Variants in INPP4B observed in about 807,000 individuals in gnomAD.
The protein encoded by INPP4B is inositol polyphosphate-4-phosphatase type II B.
In INPP4B, 55 loss-of-function variants were observed where a neutral mutation model predicts 122.5. The ratio of observed to expected loss-of-function variants is 0.45; its 90% CI spans 0.36 to 0.56. The LOEUF (loss-of-function observed/expected upper bound fraction) is 0.56, where lower values mean the gene tolerates loss of function less well. INPP4B is among the 20% of genes least tolerant of loss of function. The pLI is 0.00. For missense variants in INPP4B, 1,000 were observed against 1,097.7 expected, an observed-to-expected ratio of 0.91 and a Z score of 1.26; for synonymous variants, 403 against 388.7, an observed-to-expected ratio of 1.04 and a Z score of -0.43.
intron 25 of INPP4B, among the ~76,000 whole-genome samples, chr4:142,078,430 C>T (rs931457146): frequency 6.6e-6 from 1 of 151,830 alleles, no homozygotes; most frequent in Non-Finnish European, 1.5e-5. Context: ...ACATAGGACC[C>T]GAAAGTTTTA....
intron 10 of INPP4B, among the ~76,000 whole-genome samples, chr4:142,269,560 G>C (rs1036499116): frequency 6.6e-6 from 1 of 152,154 alleles, no homozygotes; most frequent in Non-Finnish European, 1.5e-5. Context: ...CAGAGGCTGG[G>C]GGAGGGAAAG....
At chr4:142,313,024 T>C (rs1766131953) in intron 8 of INPP4B, among the ~76,000 whole-genome samples, 1 of 152,156 alleles carries the variant, frequency 6.6e-6, no homozygotes, top group Non-Finnish European at 1.5e-5. Flanking sequence ...GCAGGACATG[T>C]GTGGGACTCA....
intron 9 of INPP4B, among the ~76,000 whole-genome samples, chr4:142,297,982 T>C: frequency 6.6e-6 from 1 of 152,144 alleles, no homozygotes; most frequent in East Asian, 1.9e-4. Context: ...ACTACTTCCA[T>C]TAATAGATGT....
chr4:142,164,547 T>C (rs924626925), intron 16 of INPP4B, among the ~76,000 whole-genome samples: 2 of 151,766 alleles, frequency 1.3e-5, no homozygotes, highest in Non-Finnish European at 2.9e-5. Context: ...GGAAAGCATG[T>C]TAGACTAACA....
chr4:142,177,538 T>C (rs1405722414), intron 15 of INPP4B, among the ~76,000 whole-genome samples: 5 of 152,162 alleles, frequency 3.3e-5, no homozygotes, highest in Non-Finnish European at 5.9e-5. Context: ...AAATATTTTA[T>C]AGAATATAAA....
At chr4:142,494,992 C>T (rs1405705729) in intron 2 of INPP4B, among the ~76,000 whole-genome samples, 1 of 152,060 alleles carries the variant, frequency 6.6e-6, no homozygotes, top group Non-Finnish European at 1.5e-5. Flanking sequence ...ATATTTTGTC[C>T]AGTTTTGTAG....
intron 1 of INPP4B, among the ~76,000 whole-genome samples, chr4:142,735,044 T>C (rs1766657742): frequency 1.3e-5 from 2 of 152,210 alleles, no homozygotes; most frequent in Non-Finnish European, 2.9e-5. Context: ...GGTGTGATCA[T>C]TGGAGAACCG....
intron 2 of INPP4B, among the ~76,000 whole-genome samples, chr4:142,649,011 C>G (rs997863122): frequency 6.6e-6 from 1 of 152,182 alleles, no homozygotes; most frequent in African/African-American, 2.4e-5. Flanking sequence ...GAGGATCAGG[C>G]AGCAATTTTT....
chr4:142,246,755 G>A (rs960597224), intron 11 of INPP4B, among the ~76,000 whole-genome samples: 5 of 152,202 alleles, frequency 3.3e-5, no homozygotes, highest in African/African-American at 9.6e-5. Flanking sequence ...GAGACAATTC[G>A]ACTTCCTCTC....
At chr4:142,710,619 C>T (rs979085183) in intron 2 of INPP4B, among the ~76,000 whole-genome samples, 1 of 152,072 alleles carries the variant, frequency 6.6e-6, no homozygotes, top group Non-Finnish European at 1.5e-5. Flanking sequence ...TATTGAAAGC[C>T]ACTTATTTGT....
chr4:142,185,660 AC>A (rs1319081249), intron 15 of INPP4B, among the ~76,000 whole-genome samples: 1 of 151,802 alleles, frequency 6.6e-6, no homozygotes, highest in Non-Finnish European at 1.5e-5. Context: ...CGGGTGGATC[AC>A]GAGGTCAGGA....
intron 25 of INPP4B, among the ~76,000 whole-genome samples, chr4:142,061,923 T>C (rs372258913): frequency 0.72 from 90,079 of 125,898 alleles, 31,704 homozygotes; most frequent in East Asian, 0.85. Context: ...TATATATATA[T>C]ATATATATAT....
chr4:142,061,494 T>C (rs1421041316), intron 25 of INPP4B, among the ~76,000 whole-genome samples: 5 of 152,204 alleles, frequency 3.3e-5, no homozygotes, highest in Admixed American at 6.5e-5. Flanking sequence ...GACATTTTAT[T>C]ACCCCATGAA....
chr4:142,180,364 T>G (rs1471535508), intron 15 of INPP4B, among the ~76,000 whole-genome samples: 1 of 152,186 alleles, frequency 6.6e-6, no homozygotes, highest in African/African-American at 2.4e-5. Flanking sequence ...ATTTTATTTT[T>G]TTCCATGTTA....
intron 1 of INPP4B, among the ~76,000 whole-genome samples, chr4:142,837,595 A>G (rs57434180): frequency 0.029 from 4,476 of 152,272 alleles, 188 homozygotes; most frequent in African/African-American, 0.097. Context: ...GTCTATAAGA[A>G]GGGCTCAATA....
intron 3 of INPP4B, among the ~76,000 whole-genome samples, chr4:142,438,017 G>A (rs1810908248): frequency 6.6e-6 from 1 of 152,042 alleles, no homozygotes; most frequent in Non-Finnish European, 1.5e-5. Context: ...TCTCTTTAAG[G>A]AGAACTATAA....
chr4:142,618,700 A>C (rs1744222000), intron 2 of INPP4B, among the ~76,000 whole-genome samples: 1 of 152,098 alleles, frequency 6.6e-6, no homozygotes, highest in Non-Finnish European at 1.5e-5. Context: ...ATGACACCAA[A>C]GCATAGGCAA....
At chr4:142,366,614 T>A (rs572545120) in intron 7 of INPP4B, among the ~76,000 whole-genome samples, 1 of 152,122 alleles carries the variant, frequency 6.6e-6, no homozygotes, top group Non-Finnish European at 1.5e-5. Flanking sequence ...TGGTGCCTGA[T>A]GGAATAAAAA....
intron 2 of INPP4B, among the ~76,000 whole-genome samples, chr4:142,485,199 G>A (rs1821057477): frequency 6.6e-6 from 1 of 152,076 alleles, no homozygotes; most frequent in Non-Finnish European, 1.5e-5. Flanking sequence ...AAAGCTGAGA[G>A]AAGAGAACAA....
Sources: allele counts gnomAD v4.1 joint callset (sites outside exome capture counted in the v4.1 genomes callset), GRCh38; gene constraint gnomAD v4.1.1; transcripts MANE v1.5; gene names NCBI Gene and HGNC (gene_info 2026-07-23, HGNC 2026-07-21).